The following TENM2 variants were observed in gnomAD, a reference collection of about 807,000 sequenced individuals.
TENM2 encodes the protein teneurin transmembrane protein 2.
Under a neutral mutation model 245.2 loss-of-function variants are expected in TENM2, and 52 were observed. That is an observed-to-expected ratio of 0.21 (90% CI 0.17 to 0.27). The LOEUF (loss-of-function observed/expected upper bound fraction) is 0.27, where lower values mean the gene tolerates loss of function less well. TENM2 is among the 10% of genes least tolerant of loss of function. The pLI is 1.00. For missense variants in TENM2, 3,046 were observed against 3,666.8 expected (o/e 0.83, Z 4.37); for synonymous variants, 1,363 against 1,438.9 (o/e 0.95, Z 1.19).
chr5:167,502,960 G>A (rs1562007837), intron 2 of TENM2, among the ~76,000 whole-genome samples: 1 of 152,126 alleles, frequency 6.6e-6, no homozygotes, highest in South Asian at 2.1e-4. Context: ...TTCCCAGGTA[G>A]CTGCGACTAC....
intron 3 of TENM2, among the ~76,000 whole-genome samples, chr5:167,935,184 ATC>A (rs1380377165): frequency 6.6e-6 from 1 of 152,164 alleles, no homozygotes; most frequent in Non-Finnish European, 1.5e-5. Flanking sequence ...GTCGTGAATT[ATC>A]TGTCAGTGCC....
At chr5:167,850,308 C>T (rs945055749) in intron 2 of TENM2, among the ~76,000 whole-genome samples, 4 of 152,160 alleles carry the variant, frequency 2.6e-5, no homozygotes, top group Non-Finnish European at 5.9e-5. Flanking sequence ...TTACTGTGCA[C>T]ACCACATACT....
At chr5:167,780,448 G>A (rs1764114088) in intron 2 of TENM2, among the ~76,000 whole-genome samples, 2 of 152,094 alleles carry the variant, frequency 1.3e-5, no homozygotes, top group East Asian at 1.9e-4. Flanking sequence ...TCCTTTCACG[G>A]CCTATTTAGT....
At chr5:167,163,889 A>G in the TENM2 span, among the ~76,000 whole-genome samples, 4 of 152,188 alleles carry the variant, frequency 2.6e-5, no homozygotes, top group African/African-American at 9.7e-5. Context: ...AAGAAAGATG[A>G]GGCAAAGGTG....
chr5:167,486,605 G>C (rs1051363758), intron 2 of TENM2, among the ~76,000 whole-genome samples: 1 of 152,126 alleles, frequency 6.6e-6, no homozygotes, highest in Non-Finnish European at 1.5e-5. Context: ...TGGGATTACA[G>C]GCGTTAGCCA....
chr5:168,225,615 G>A (rs1452242562), intron 23 of TENM2, among the ~76,000 whole-genome samples: 1 of 152,082 alleles, frequency 6.6e-6, no homozygotes, highest in Non-Finnish European at 1.5e-5. Flanking sequence ...GCAAAAATTG[G>A]CCAGGCATCG....
At chr5:167,555,004 C>T (rs1773175320) in intron 2 of TENM2, among the ~76,000 whole-genome samples, 1 of 152,016 alleles carries the variant, frequency 6.6e-6, no homozygotes, top group South Asian at 2.1e-4. Flanking sequence ...ACACACATTT[C>T]CCATCACTCA....
chr5:167,778,400 CAG>C (rs1426636875), intron 2 of TENM2, among the ~76,000 whole-genome samples: 1 of 152,128 alleles, frequency 6.6e-6, no homozygotes, highest in Non-Finnish European at 1.5e-5. Context: ...TGAGCCATTA[CAG>C]AGTGTTGAAC....
At position 167,726,259 on chromosome 5, in the gene TENM2, A is replaced by AAACATCCAGTTTGGTCCCACC. The variant is rs1759998016; in HGVS notation, c.503-149725_503-149724insCATCCAGTTTGGTCCCACCAA. Among the ~76,000 whole-genome samples the AAACATCCAGTTTGGTCCCACC allele has an allele frequency of 5.9e-5, 9 of 151,758 alleles. No homozygotes were observed. In the South Asian group the frequency reaches 1.9e-3, roughly 32 times the overall value. The stretch of plus-strand genomic sequence containing the variant: ...AGTTTAGCTTCATGATCTATGGTCA[A>AAACATCCAGTTTGGTCCCACC]AAACATCCAGTTTGGTCCTACCTGT... On this transcript the variant is annotated intron_variant, in intron 2 of 28. Transcript: ENST00000518659.
chr5:167,452,948 T>TATATATATATATATATATATATATATTAA (rs10627779), intron 2 of TENM2, among the ~76,000 whole-genome samples: 1 of 47,510 alleles, frequency 2.1e-5, no homozygotes, highest in Non-Finnish European at 4.1e-5. Flanking sequence ...TATATATATA[T>TATATATATATATATATATATATATATTAA]ATATATATAT....
the TENM2 span, among the ~76,000 whole-genome samples, chr5:167,016,342 C>A: frequency 6.7e-6 from 1 of 149,148 alleles, no homozygotes; most frequent in East Asian, 2.0e-4. Flanking sequence ...CCTGAAAAAT[C>A]GTTAGTGTAC....
intron 2 of TENM2, among the ~76,000 whole-genome samples, chr5:167,800,664 A>G (rs1765642279): frequency 6.6e-6 from 1 of 152,182 alleles, no homozygotes; most frequent in Non-Finnish European, 1.5e-5. Context: ...TCTGTTGGGC[A>G]TCAGCAGACA....
chr5:168,020,300 A>G (rs537829231), intron 5 of TENM2, among the ~76,000 whole-genome samples: 2 of 152,298 alleles, frequency 1.3e-5, no homozygotes, highest in East Asian at 3.9e-4. Flanking sequence ...AGAAAGAAGG[A>G]TTCTCCAAAA....
intron 2 of TENM2, among the ~76,000 whole-genome samples, chr5:167,548,835 TG>T (rs1562046136): frequency 6.6e-6 from 1 of 152,074 alleles, no homozygotes; most frequent in South Asian, 2.1e-4. Context: ...GTGCATTGGG[TG>T]GGGGGAGCAA....
intron 2 of TENM2, among the ~76,000 whole-genome samples, chr5:167,768,332 G>A (rs759339464): frequency 1.3e-5 from 2 of 151,978 alleles, no homozygotes; most frequent in Non-Finnish European, 2.9e-5. Context: ...ATGTTGGTAA[G>A]GTTTATTTTT....
chr5:167,326,562 A>T (rs1043469765), intron 1 of TENM2, among the ~76,000 whole-genome samples: 39 of 151,726 alleles, frequency 2.6e-4, no homozygotes, highest in African/African-American at 8.5e-4. Flanking sequence ...AGTCCCAGCT[A>T]CTCGGGAGGC....
chr5:167,776,616 A>AAAAAAC (rs1763810624), intron 2 of TENM2, among the ~76,000 whole-genome samples: 2 of 98,902 alleles, frequency 2.0e-5, no homozygotes, highest in African/African-American at 8.9e-5. Flanking sequence ...AAAAAAAAAA[A>AAAAAAC]AAAAAAAAAA....
chr5:167,301,406 A>G (rs1049301927), intron 1 of TENM2, among the ~76,000 whole-genome samples: 2 of 152,270 alleles, frequency 1.3e-5, no homozygotes, highest in Admixed American at 6.5e-5. Flanking sequence ...TGGTTTAGGC[A>G]TTTGGAAGTT....
intron 2 of TENM2, among the ~76,000 whole-genome samples, chr5:167,632,353 C>T (rs571761889): frequency 1.3e-5 from 2 of 152,238 alleles, no homozygotes; most frequent in South Asian, 4.1e-4. Flanking sequence ...GTTCTACATG[C>T]CTTGGGAATA....
Sources: allele counts gnomAD v4.1 joint callset (sites outside exome capture counted in the v4.1 genomes callset), GRCh38; gene constraint gnomAD v4.1.1; transcripts MANE v1.5; gene names NCBI Gene and HGNC (gene_info 2026-07-23, HGNC 2026-07-21).